The following TJAP1 variants were observed in gnomAD, a reference collection of about 807,000 sequenced individuals.
The protein encoded by TJAP1 is tight junction-associated protein 1.
In TJAP1, 27 loss-of-function variants were observed where a neutral mutation model predicts 42.0. The ratio of observed to expected loss-of-function variants is 0.64; its 90% CI spans 0.47 to 0.89. The LOEUF is 0.89. TJAP1 is among the 40% of genes least tolerant of loss of function. The pLI, the probability that TJAP1 is intolerant of heterozygous loss-of-function variation, is 0.00. For synonymous variants in TJAP1, 257 were observed against 288.4 expected (o/e 0.89, Z 1.10); for missense variants, 712 against 726.9 (o/e 0.98, Z 0.24).
Position 43,500,727 on chromosome 6 carries a change from C to T in TJAP1, c.100-17C>T, listed in dbSNP as rs368714006. 6.2e-7 allele frequency: 1 copy of T among 1,614,136 alleles called. No homozygotes were observed. The highest frequency in any genetic ancestry group is 8.5e-7 in the Non-Finnish European group (1 of 1,179,998). ...AGTGGTCCAGAGCTGAGCCTCAAGC[C>T]TCTCTTTTTTGCCTAGGAACCCCTG... On this transcript the variant is annotated splice_polypyrimidine_tract_variant and intron_variant, in intron 4 of 10. Transcript: ENST00000372449.
rs771535737 is a variant in TJAP1, at chr6:43,505,447, TCCA to T, written c.1272_1274del (p.Pro425del). On this transcript the variant is annotated inframe_deletion, in exon 11 of 11. Transcript: ENST00000372449. This position sits in a 1 kb window ranked among gnomAD's most constrained non-coding sequence, Gnocchi z 5.5. ...GGCAGCGGGCATTTGTGGACCGTAC[TCCA>T]CCACCTGCTGCTGTGGCCCAGCGCA... is the stretch of plus-strand genomic sequence containing the variant. 3.7e-6 allele frequency: 6 copies of T among 1,613,280 alleles called. No homozygotes were observed. Among genetic ancestry groups the T allele is most frequent in the South Asian group, 3.3e-5 (3 of 91,068 alleles).
At chr6:43,499,231 G>T in intron 4 of TJAP1, 131 bp downstream of exon 4, 2 of 1,415,024 alleles carry the variant, frequency 1.4e-6, no homozygotes, top group South Asian at 2.6e-5. Context: ...TTGCAGGCCT[G>T]AGGTCTCCTA....
In TJAP1 at chr6:43,505,655, C is replaced by A; in HGVS notation, c.1474C>A (p.Pro492Thr). 1.9e-6 allele frequency: 3 copies of A among 1,612,028 alleles called. No homozygotes were observed. The highest frequency in any genetic ancestry group is 2.5e-6 in the Non-Finnish European group (3 of 1,178,868). ...AGAAGAGCTGAACCTGCCTATCAGT[C>A]CTGAGGAAGAGCGCCAGAGCCTGCT... Residue 492 changes from proline (P) to threonine (T), a missense_variant, in exon 11 of 11, where the codon CCT (proline) becomes ACT (threonine). Transcript: ENST00000372449. This position sits in a 1 kb window ranked among gnomAD's most constrained non-coding sequence, Gnocchi z 5.5.
At chr6:43,480,540 C>T (rs914689204) in intron 2 of TJAP1, among the ~76,000 whole-genome samples, 2 of 151,330 alleles carry the variant, frequency 1.3e-5, no homozygotes, top group African/African-American at 2.4e-5. Context: ...TTTTTTGAGA[C>T]GAAGTCTCGT....
chr6:43,502,271 A>T lies in TJAP1; in HGVS notation c.291-12A>T. On this transcript the variant is annotated splice_polypyrimidine_tract_variant and intron_variant, in intron 6 of 10. Transcript: ENST00000372449. ...TTGACCCAGGGATGTGCCTTGTATT[A>T]TCCCTTTTCAGGCTGCAGAACAGCT... The T allele has an allele frequency of 2.5e-6, 4 of 1,613,948 alleles. No individual in the cohort carries two copies. Among genetic ancestry groups the T allele is most frequent in the Non-Finnish European group, 3.4e-6 (4 of 1,179,974 alleles).
At chr6:43,502,394 C>T (rs904564105) in intron 7 of TJAP1, 45 bp downstream of exon 7, 1 of 1,600,610 alleles carries the variant, frequency 6.2e-7, no homozygotes, top group Admixed American at 1.7e-5. Flanking sequence ...GTGCTCATAG[C>T]ATAGCAGGGG....
chr6:43,488,528 C>T (rs775652528), intron 2 of TJAP1, among the ~76,000 whole-genome samples: 1 of 152,200 alleles, frequency 6.6e-6, no homozygotes, highest in Non-Finnish European at 1.5e-5. Flanking sequence ...CTGTGTCTCT[C>T]CCCTTCACTC....
At chr6:43,503,796 C>A in intron 10 of TJAP1, 90 bp downstream of exon 10, 2 of 1,157,602 alleles carry the variant, frequency 1.7e-6, no homozygotes, top group South Asian at 1.3e-5. Context: ...CTCTCTCTGT[C>A]CTCCTCTTCC....
At chr6:43,483,006 C>T (rs985210252) in intron 2 of TJAP1, among the ~76,000 whole-genome samples, 1 of 152,102 alleles carries the variant, frequency 6.6e-6, no homozygotes, top group Non-Finnish European at 1.5e-5. Context: ...CCTGCAATCC[C>T]AGCTACTCAG....
chr6:43,493,751 G>A (rs184577651), intron 2 of TJAP1, among the ~76,000 whole-genome samples: 3 of 152,252 alleles, frequency 2.0e-5, no homozygotes, highest in Admixed American at 2.0e-4. Flanking sequence ...GCTGGGAACG[G>A]TAAGATAGTA....
exon 6 of TJAP1, chr6:43,501,675 A>G (rs761196615): frequency 2.0e-5 from 25 of 1,224,560 alleles, no homozygotes; most frequent in African/African-American, 3.0e-5. Flanking sequence ...AAATTTAAGG[A>G]TAAGTTCCGC....
chr6:43,505,337 C>T lies in TJAP1; in HGVS notation c.1156C>T (p.Pro386Ser), dbSNP rs1792075350. The T allele has an allele frequency of 6.2e-7, 1 of 1,609,122 alleles. No homozygotes were observed. Residue 386 changes from proline (P) to serine (S), a missense_variant, in exon 11 of 11, where the codon CCC (proline) becomes TCC (serine). Around this residue, in one of 3 missense-constraint regions of TJAP1, gnomAD observed 549 missense variants for 528.2 expected, o/e 1.04. Coordinates refer to ENST00000372449, the Ensembl canonical transcript of TJAP1. The surrounding 1 kb of genome is among the most constrained non-coding windows in gnomAD (Gnocchi z 5.5). ...CACCCCTGCCTCAGCCCAGGCCTCA[C>T]CCCACCACCAGCCCAGCCCAGCACC...
chr6:43,499,634 CTATAG>C (rs1304639875), intron 4 of TJAP1, among the ~76,000 whole-genome samples: 2 of 152,236 alleles, frequency 1.3e-5, no homozygotes, highest in Non-Finnish European at 2.9e-5. Context: ...TCTTCGGGGC[CTATAG>C]TCAGCTGCAA....
At chr6:43,483,806 C>T (rs1456092261) in intron 2 of TJAP1, among the ~76,000 whole-genome samples, 1 of 152,202 alleles carries the variant, frequency 6.6e-6, no homozygotes, top group Non-Finnish European at 1.5e-5. Flanking sequence ...CTCCTGAAAT[C>T]CCAGCACTTT....
chr6:43,502,080 T>TCTCTCC (rs1561820252), intron 6 of TJAP1, among the ~76,000 whole-genome samples: 1 of 86,268 alleles, frequency 1.2e-5, no homozygotes, highest in Non-Finnish European at 2.4e-5. Flanking sequence ...ACACACACTC[T>TCTCTCC]CTCTCTCTCT....
intron 4 of TJAP1, among the ~76,000 whole-genome samples, chr6:43,499,679 A>G (rs1244345084): frequency 1.3e-5 from 2 of 151,972 alleles, no homozygotes; most frequent in Non-Finnish European, 2.9e-5. Context: ...CATTAACTTC[A>G]CTCACAGGCA....
chr6:43,496,338 G>T (rs975324270), intron 2 of TJAP1, among the ~76,000 whole-genome samples: 1 of 152,110 alleles, frequency 6.6e-6, no homozygotes, highest in Admixed American at 6.5e-5. Flanking sequence ...CACCCACCCC[G>T]GGCTCCTCTG....
chr6:43,504,094 G>A, intron 10 of TJAP1: 1 of 354,178 alleles, frequency 2.8e-6, no homozygotes, highest in Non-Finnish European at 5.5e-6. Context: ...GCCTGCAGAA[G>A]TAGAAGAAGT....
chr6:43,493,779 A>T (rs1333554433), intron 2 of TJAP1, among the ~76,000 whole-genome samples: 1 of 152,114 alleles, frequency 6.6e-6, no homozygotes, highest in African/African-American at 2.4e-5. Flanking sequence ...GAGCAGCAGG[A>T]TTCTGAAGAG....
Sources: allele counts gnomAD v4.1 joint callset (sites outside exome capture counted in the v4.1 genomes callset), GRCh38; gene constraint gnomAD v4.1.1; regional missense constraint gnomAD v4.1.1; non-coding constraint Gnocchi (gnomAD v3.1); transcripts MANE v1.5; gene names NCBI Gene and HGNC (gene_info 2026-07-23, HGNC 2026-07-21).